Variants in DOCK1 observed in about 807,000 individuals in gnomAD.
DOCK1 encodes dedicator of cytokinesis protein 1.
DOCK1 carries 138 observed loss-of-function variants against 262.7 expected under a neutral mutation model. The observed-to-expected ratio is 0.53, with a 90% CI of 0.46 to 0.61. The LOEUF (loss-of-function observed/expected upper bound fraction) is 0.61, where lower values mean the gene tolerates loss of function less well. Among genes scored for constraint, DOCK1 ranks in the 20% least tolerant of loss-of-function variants. DOCK1 has a pLI of 0.00. For synonymous variants in DOCK1, 866 were observed against 867.4 expected (o/e 1.00, Z 0.03); for missense variants, 1,908 against 2,370.7 (o/e 0.80, Z 4.05).
At chr10:127,388,236 T>A (rs2066251392) in intron 38 of DOCK1, among the ~76,000 whole-genome samples, 1 of 152,220 alleles carries the variant, frequency 6.6e-6, no homozygotes, top group Non-Finnish European at 1.5e-5. Context: ...TATGGCAAAG[T>A]GATCATTGGC....
chr10:126,925,076 C>T (rs1010102319), intron 1 of DOCK1, among the ~76,000 whole-genome samples: 5 of 152,210 alleles, frequency 3.3e-5, no homozygotes, highest in African/African-American at 1.2e-4. Context: ...CCGCCTCTAT[C>T]ACTGATCTAG....
intron 38 of DOCK1, among the ~76,000 whole-genome samples, chr10:127,396,563 C>T (rs2066861586): frequency 6.6e-6 from 1 of 152,122 alleles, no homozygotes; most frequent in African/African-American, 2.4e-5. Flanking sequence ...CTCTGGAGTC[C>T]ACTCCCTCAC....
intron 22 of DOCK1, among the ~76,000 whole-genome samples, chr10:127,054,154 C>T (rs559931710): frequency 6.6e-6 from 1 of 152,234 alleles, no homozygotes; most frequent in Admixed American, 6.5e-5. Flanking sequence ...GCAGTCGTGT[C>T]CAGAAGAAGG....
chr10:127,427,059 C>A (rs376150630), intron 47 of DOCK1, among the ~76,000 whole-genome samples: 1 of 152,132 alleles, frequency 6.6e-6, no homozygotes, highest in Non-Finnish European at 1.5e-5. Context: ...CCTGCCTGCT[C>A]GGGAACTGTG....
At chr10:126,921,515 G>A (rs972081496) in intron 1 of DOCK1, among the ~76,000 whole-genome samples, 1 of 152,162 alleles carries the variant, frequency 6.6e-6, no homozygotes, top group Non-Finnish European at 1.5e-5. Flanking sequence ...CAAATCTGTA[G>A]GCACAGAAAG....
At chr10:127,227,819 C>T (rs971458311) in intron 27 of DOCK1, among the ~76,000 whole-genome samples, 2 of 152,130 alleles carry the variant, frequency 1.3e-5, no homozygotes, top group Non-Finnish European at 2.9e-5. Flanking sequence ...TCTGCTGGGG[C>T]ATTGACATTG....
intron 27 of DOCK1, among the ~76,000 whole-genome samples, chr10:127,155,559 G>A (rs1471777130): frequency 6.6e-6 from 1 of 152,122 alleles, no homozygotes; most frequent in Non-Finnish European, 1.5e-5. Context: ...GGGATGAACA[G>A]CCTGTGCCTT....
intron 21 of DOCK1, 111 bp downstream of exon 21, chr10:127,043,275 A>C: frequency 2.4e-6 from 2 of 819,942 alleles, no homozygotes; most frequent in East Asian, 2.8e-5. Context: ...CCTGCTCAAA[A>C]CTCTGAGTTT....
At chr10:127,382,732 A>G (rs2065889628) in intron 37 of DOCK1, among the ~76,000 whole-genome samples, 1 of 152,220 alleles carries the variant, frequency 6.6e-6, no homozygotes, top group African/African-American at 2.4e-5. Context: ...GGGGTTGACA[A>G]ACTGCTCACT....
At chr10:127,286,082 T>A (rs2061142964) in intron 29 of DOCK1, among the ~76,000 whole-genome samples, 1 of 152,148 alleles carries the variant, frequency 6.6e-6, no homozygotes, top group Non-Finnish European at 1.5e-5. Context: ...CAATCCCCCT[T>A]TCCTGTGTTG....
At chr10:127,008,921 T>G in intron 11 of DOCK1, 117 bp downstream of exon 11, 1 of 1,051,396 alleles carries the variant, frequency 9.5e-7, no homozygotes, top group Non-Finnish European at 1.4e-6. Flanking sequence ...ATTTTGTAAT[T>G]ATGAAAAACC....
intron 30 of DOCK1, among the ~76,000 whole-genome samples, chr10:127,341,644 G>A (rs2063430246): frequency 6.6e-6 from 1 of 152,026 alleles, no homozygotes; most frequent in Admixed American, 6.6e-5. Context: ...TTTTAGTTGT[G>A]GCTGCTCTGG....
At chr10:127,411,573 G>A (rs977707465) in intron 43 of DOCK1, among the ~76,000 whole-genome samples, 2 of 152,182 alleles carry the variant, frequency 1.3e-5, no homozygotes, top group Non-Finnish European at 2.9e-5. Context: ...AGGCATGGTG[G>A]CTCACACCTG....
intron 29 of DOCK1, among the ~76,000 whole-genome samples, chr10:127,334,946 AACCTACAC>A (rs2063131082): frequency 6.6e-6 from 1 of 152,108 alleles, no homozygotes; most frequent in Non-Finnish European, 1.5e-5. Flanking sequence ...CACCGCAGAA[AACCTACAC>A]GGTTTTCTGC....
intron 16 of DOCK1, among the ~76,000 whole-genome samples, chr10:127,030,623 G>C (rs527860463): frequency 6.6e-6 from 1 of 152,150 alleles, no homozygotes; most frequent in Non-Finnish European, 1.5e-5. Context: ...TTTGTTGACT[G>C]TCTCCCAAAG....
At chr10:127,405,971 C>T (rs2067491716) in intron 40 of DOCK1, among the ~76,000 whole-genome samples, 1 of 152,182 alleles carries the variant, frequency 6.6e-6, no homozygotes, top group South Asian at 2.1e-4. Context: ...AAATTAGCTT[C>T]ATTCTCAATA....
intron 29 of DOCK1, among the ~76,000 whole-genome samples, chr10:127,294,477 A>G (rs989978559): frequency 6.6e-6 from 1 of 151,156 alleles, no homozygotes; most frequent in Non-Finnish European, 1.5e-5. Context: ...ACTCGTCACC[A>G]CGCCAGGCTG....
Position 127,452,303 on chromosome 10 carries a change from A to AG in DOCK1, c.*876_*877insG, listed in dbSNP as rs1400762115. The AG allele has an allele frequency of 9.3e-6, 1 of 107,936 alleles. No homozygotes were observed. Among genetic ancestry groups the AG allele is most frequent in the African/African-American group, 2.8e-5 (1 of 35,102 alleles). 6.7% of individuals were successfully genotyped at this position (107,936 alleles called of 1,614,324 possible). On this transcript the variant is annotated 3_prime_UTR_variant, in exon 52 of 52. Transcript: ENST00000623213. ...TTAATTTTTAACTGCTGGAAGTGTT[A>AG]AAACACACACACACACACACACACA...
At chr10:127,193,919 G>C (rs1012065544) in intron 27 of DOCK1, among the ~76,000 whole-genome samples, 1 of 152,100 alleles carries the variant, frequency 6.6e-6, no homozygotes, top group Non-Finnish European at 1.5e-5. Flanking sequence ...GAGCTTCCCA[G>C]CTTTTGCCTT....
Sources: allele counts gnomAD v4.1 joint callset (sites outside exome capture counted in the v4.1 genomes callset), GRCh38; gene constraint gnomAD v4.1.1; transcripts MANE v1.5; gene names NCBI Gene and HGNC (gene_info 2026-07-23, HGNC 2026-07-21).